MPPED2: variants seen among roughly 807,000 people sequenced by gnomAD.
MPPED2 encodes metallophosphoesterase MPPED2.
A neutral mutation model predicts 33.0 loss-of-function variants in MPPED2; 5 were observed. The ratio of observed to expected loss-of-function variants is 0.15; its 90% CI spans 0.08 to 0.32. The LOEUF is 0.32. Among genes scored for constraint, MPPED2 ranks in the 10% least tolerant of loss-of-function variants. MPPED2 has a pLI of 1.00. For synonymous variants in MPPED2, 136 were observed against 141.9 expected, an observed-to-expected ratio of 0.96 and a Z score of 0.29; for missense variants, 275 against 372.1, an observed-to-expected ratio of 0.74 and a Z score of 2.15.
intron 3 of MPPED2, 75 bp downstream of exon 3, chr11:30,535,919 T>G (rs1275511750): frequency 1.5e-6 from 2 of 1,320,108 alleles, no homozygotes; most frequent in East Asian, 5.0e-5. Context: ...AGTGCTCTAA[T>G]TCAATTAGGA....
chr11:30,574,466 A>T (rs199762070), intron 2 of MPPED2, among the ~76,000 whole-genome samples: 1 of 152,220 alleles, frequency 6.6e-6, no homozygotes, highest in South Asian at 2.1e-4. Context: ...AATCGCCTAG[A>T]AGATGCATTT....
chr11:30,425,507 A>T (rs1186866025), intron 4 of MPPED2: 1 of 152,180 alleles, frequency 6.6e-6, no homozygotes, highest in Admixed American at 6.5e-5. Flanking sequence ...AATATTTTCA[A>T]TCTGTTTCCT....
chr11:30,536,744 G>A lies in MPPED2; in HGVS notation c.129-569C>T, dbSNP rs762237125. Among the ~76,000 whole-genome samples the A allele has an allele frequency of 7.9e-5, 12 of 151,478 alleles. 1 individual carries two copies. Among genetic ancestry groups the A allele is most frequent in the Admixed American group, 2.0e-4 (3 of 15,194 alleles). The stretch of plus-strand genomic sequence containing the variant: ...GTTTTTGCTATTCACAAATCAAACC[G>A]TAGGGAGAGAAGGTGATGCCAAAAT... On this transcript the variant is annotated intron_variant, in intron 2 of 6. Transcript: ENST00000358117.
intron 4 of MPPED2, among the ~76,000 whole-genome samples, chr11:30,450,733 G>A (rs1485631195): frequency 1.3e-5 from 2 of 152,226 alleles, no homozygotes; most frequent in Non-Finnish European, 2.9e-5. Flanking sequence ...AACAGCATAT[G>A]TTTTAGTGGA....
rs116615893 is a variant in MPPED2, at chr11:30,466,505, G to A, written c.536+28791C>T. Among the ~76,000 whole-genome samples the A allele has an allele frequency of 6.2e-3, 938 of 152,320 alleles. 5 individuals are homozygous for A. The highest frequency in any genetic ancestry group is 0.021 in the African/African-American group (865 of 41,572). On this transcript the variant is annotated intron_variant, in intron 4 of 6. Coordinates refer to ENST00000358117, the MANE Select transcript of MPPED2 (RefSeq NM_001584.3). ...GGGCTGTCCAGCTGGATCCATTGAGGAAAGGGCCCTTCAGGGATCGCTGGA... is the reference window on the plus strand; with the variant it reads ...GGGCTGTCCAGCTGGATCCATTGAGAAAAGGGCCCTTCAGGGATCGCTGGA...
chr11:30,527,984 G>T (rs139364366), intron 3 of MPPED2, among the ~76,000 whole-genome samples: 3 of 152,196 alleles, frequency 2.0e-5, no homozygotes, highest in African/African-American at 7.2e-5. Context: ...ATCTTTAGAG[G>T]CTGGATACAC....
intron 4 of MPPED2, among the ~76,000 whole-genome samples, chr11:30,435,647 A>C (rs1427633662): frequency 6.6e-6 from 1 of 152,054 alleles, no homozygotes; most frequent in Non-Finnish European, 1.5e-5. Context: ...ACAAAGCCTG[A>C]CCACCCATCA....
chr11:30,403,953 G>C (rs1947950908), intron 6 of MPPED2, among the ~76,000 whole-genome samples: 1 of 152,192 alleles, frequency 6.6e-6, no homozygotes, highest in Non-Finnish European at 1.5e-5. Context: ...CCTGTTATGA[G>C]TTCCAGAGAG....
intron 2 of MPPED2, among the ~76,000 whole-genome samples, chr11:30,557,415 T>C (rs1178426199): frequency 6.6e-6 from 1 of 152,050 alleles, no homozygotes; most frequent in Non-Finnish European, 1.5e-5. Context: ...TATTTTCATT[T>C]ATTCATGACT....
chr11:30,399,334 G>T (rs181840129), intron 6 of MPPED2, among the ~76,000 whole-genome samples: 1 of 152,060 alleles, frequency 6.6e-6, no homozygotes, highest in East Asian at 1.9e-4. Context: ...ATTAGCCTAA[G>T]AATTGCCAAA....
intron 6 of MPPED2, among the ~76,000 whole-genome samples, chr11:30,396,016 C>T (rs1031737462): frequency 9.9e-5 from 15 of 152,088 alleles, no homozygotes; most frequent in African/African-American, 2.9e-4. Context: ...TTGAGGAGAT[C>T]GTATTTATCA....
intron 2 of MPPED2, among the ~76,000 whole-genome samples, chr11:30,547,672 C>T (rs776366871): frequency 2.0e-5 from 3 of 152,126 alleles, no homozygotes; most frequent in Non-Finnish European, 4.4e-5. Flanking sequence ...GAGGTTCAAT[C>T]GACTTCCCCT....
At chr11:30,434,617 C>T (rs1005603829) in intron 4 of MPPED2, among the ~76,000 whole-genome samples, 3 of 152,148 alleles carry the variant, frequency 2.0e-5, no homozygotes, top group African/African-American at 7.2e-5. Flanking sequence ...AAAAGCTCTT[C>T]CTAGTTGCCA....
Position 30,519,615 on chromosome 11 carries a change from T to C in MPPED2, c.310+16379A>G, listed in dbSNP as rs532022209. 4.6e-5 allele frequency among the ~76,000 whole-genome samples: 7 copies of C among 152,156 alleles called. No individual in the cohort carries two copies. The South Asian group carries it at 1.5e-3, about 32-fold the overall frequency. On this transcript the variant is annotated intron_variant, in intron 3 of 6. Transcript: ENST00000358117. ...AACATTTTCAGGCTCTGTGGTTACA[T>C]TGCTTCCTAAATCCAGGATTTCTAT... is the stretch of plus-strand genomic sequence containing the variant.
intron 2 of MPPED2, among the ~76,000 whole-genome samples, chr11:30,579,217 T>A (rs1957059808): frequency 6.6e-6 from 1 of 151,980 alleles, no homozygotes. Context: ...TGGGGTGTCC[T>A]ACTATTTTTT....
chr11:30,417,041 T>C (rs887735630), intron 5 of MPPED2, among the ~76,000 whole-genome samples: 25 of 152,210 alleles, frequency 1.6e-4, no homozygotes, highest in Admixed American at 5.2e-4. Flanking sequence ...AAAGGATTCT[T>C]TTCTAAAATT....
At chr11:30,389,047 T>C in intron 6 of MPPED2, 1 of 1,442,920 alleles carries the variant, frequency 6.9e-7, no homozygotes, top group Non-Finnish European at 9.1e-7. Flanking sequence ...GGTGTCTTGA[T>C]TACCTTCCCA....
chr11:30,485,436 T>A, intron 4 of MPPED2, among the ~76,000 whole-genome samples: 1 of 152,236 alleles, frequency 6.6e-6, no homozygotes, highest in Non-Finnish European at 1.5e-5. Context: ...ATAACATGTG[T>A]AACATTTACA....
chr11:30,411,117 C>A lies in MPPED2; in HGVS notation c.*351G>T. On this transcript the variant is annotated 3_prime_UTR_variant, in exon 7 of 7. Coordinates refer to ENST00000358117, the MANE Select transcript of MPPED2 (RefSeq NM_001584.3). ...ATCTGTGTTGGTTTTTAAAACACTG[C>A]CTGTTTCTTATTTTTTTTTCTTTCA... 2.0e-6 allele frequency: 2 copies of A among 993,018 alleles called. No homozygotes were observed. Among genetic ancestry groups the A allele is most frequent in the Non-Finnish European group, 2.4e-6 (2 of 834,660 alleles). 61.5% of individuals were successfully genotyped at this position (993,018 alleles called of 1,614,324 possible).
Sources: gnomAD v4.1 joint callset for allele counts (sites outside exome capture counted in the v4.1 genomes callset) on GRCh38, gnomAD v4.1.1 for gene constraint, MANE v1.5 for transcripts, NCBI Gene and HGNC (gene_info 2026-07-23, HGNC 2026-07-21) for gene names.